Variants in STK3 observed in about 807,000 individuals in gnomAD.
STK3 encodes serine/threonine kinase 3.
In STK3, 41 loss-of-function variants were observed where a neutral mutation model predicts 58.0. That is an observed-to-expected ratio of 0.71 (90% CI 0.55 to 0.92). STK3 has a LOEUF of 0.92. STK3 is among the 40% of genes least tolerant of loss of function. STK3 has a pLI of 0.00. For synonymous variants in STK3, 170 were observed against 191.0 expected (o/e 0.89, Z 0.91); for missense variants, 479 against 602.7 (o/e 0.79, Z 2.15).
At chr8:98,783,896 C>A (rs985412366) in intron 1 of STK3, among the ~76,000 whole-genome samples, 7 of 152,172 alleles carry the variant, frequency 4.6e-5, no homozygotes, top group African/African-American at 1.7e-4. Flanking sequence ...CAGGAATCCA[C>A]TGGAATCGTG....
At chr8:98,917,883 G>A (rs1839402628) in intron 1 of STK3, among the ~76,000 whole-genome samples, 1 of 152,080 alleles carries the variant, frequency 6.6e-6, no homozygotes, top group Admixed American at 6.6e-5. Flanking sequence ...CCATCTCTGG[G>A]GAGTGTGGGA....
chr8:98,858,321 TATA>T (rs1836769758), intron 3 of STK3, among the ~76,000 whole-genome samples: 9 of 31,870 alleles, frequency 2.8e-4, no homozygotes, highest in Admixed American at 4.1e-4. Flanking sequence ...TATATATATA[TATA>T]GAGAGAGAGA....
At chr8:98,883,522 G>T, downstream of STK3, 1 of 583,978 alleles carries the variant, frequency 1.7e-6, no homozygotes, top group Non-Finnish European at 3.1e-6. Context: ...TTGTTTCCAA[G>T]TAACACATCA....
At chr8:98,384,369 T>C (rs929932485) in intron 1 of STK3, among the ~76,000 whole-genome samples, 9 of 152,242 alleles carry the variant, frequency 5.9e-5, no homozygotes, top group African/African-American at 2.2e-4. Flanking sequence ...GGAGTGTGCT[T>C]TCTTACTCCA....
intron 6 of STK3, among the ~76,000 whole-genome samples, chr8:98,604,114 G>A (rs1184256471): frequency 6.6e-6 from 1 of 152,010 alleles, no homozygotes; most frequent in Non-Finnish European, 1.5e-5. Flanking sequence ...AAAGGAAGAG[G>A]GCCATGAGCC....
downstream of STK3, among the ~76,000 whole-genome samples, chr8:98,366,465 C>T (rs1007360813): frequency 6.6e-6 from 1 of 152,186 alleles, no homozygotes; most frequent in Admixed American, 6.5e-5. Context: ...TATCTCCATA[C>T]CATAAAAACA....
chr8:98,618,406 G>A (rs1404234179), intron 6 of STK3, among the ~76,000 whole-genome samples: 1 of 152,138 alleles, frequency 6.6e-6, no homozygotes, highest in African/African-American at 2.4e-5. Flanking sequence ...ACTGGCACAA[G>A]ATAGGGATGC....
Position 98,386,512 on chromosome 8 carries a change from GA to G in STK3, n.56+1679del, listed in dbSNP as rs374142068. 2.0e-5 allele frequency among the ~76,000 whole-genome samples: 3 copies of G among 152,294 alleles called. No individual in the cohort carries two copies. The East Asian group carries it at 5.8e-4, about 29-fold the overall frequency. ...GTTTATAGGGAAGTATTTTACCTGA[GA>G]AAGGTGAGATTATTAGATTATATAT... On this transcript the variant is annotated intron_variant and non_coding_transcript_variant, in intron 1 of 2. Coordinates refer to the STK3 transcript ENST00000518704.
At chr8:98,867,462 T>C (rs557320577) in intron 3 of STK3, among the ~76,000 whole-genome samples, 1 of 152,234 alleles carries the variant, frequency 6.6e-6, no homozygotes, top group South Asian at 2.1e-4. Flanking sequence ...GGGATGTTTA[T>C]CTAACTTGTC....
Position 98,767,374 on chromosome 8 carries a change from A to G in STK3, c.108-3T>C. The G allele has an allele frequency of 1.3e-6, 2 of 1,586,552 alleles. No individual in the cohort carries two copies. The highest frequency in any genetic ancestry group is 1.7e-6 in the Non-Finnish European group (2 of 1,172,724). ...CTTTAAATACACTTCCATAAGACCT[A>G]AAAGAAACCAAGACATTATTTTTTT... is the stretch of plus-strand genomic sequence containing the variant. On this transcript the variant is annotated splice_polypyrimidine_tract_variant and splice_region_variant and intron_variant, in intron 2 of 10. Coordinates refer to ENST00000419617, the MANE Select transcript of STK3 (RefSeq NM_006281.4).
chr8:98,541,357 T>C (rs1190303970), intron 9 of STK3, among the ~76,000 whole-genome samples: 1 of 152,048 alleles, frequency 6.6e-6, no homozygotes, highest in Non-Finnish European at 1.5e-5. Context: ...TAAAAGTGTA[T>C]AGCCCCACCC....
At chr8:98,415,528 C>T (rs1818105003) in intron 3 of STK3, among the ~76,000 whole-genome samples, 1 of 152,224 alleles carries the variant, frequency 6.6e-6, no homozygotes, top group Non-Finnish European at 1.5e-5. Flanking sequence ...TCTATTCCCT[C>T]CTAAGAGTCT....
intron 2 of STK3, among the ~76,000 whole-genome samples, chr8:98,372,383 C>T (rs966101919): frequency 1.3e-5 from 2 of 152,176 alleles, no homozygotes; most frequent in African/African-American, 4.8e-5. Flanking sequence ...GCTGGGGAGG[C>T]CCGCAGACTC....
At chr8:98,365,256 G>A in the STK3 span, among the ~76,000 whole-genome samples, 70 of 152,222 alleles carry the variant, frequency 4.6e-4, no homozygotes, top group African/African-American at 1.4e-3. Flanking sequence ...TTAATATCAC[G>A]CTTACTACAA....
intron 4 of STK3, among the ~76,000 whole-genome samples, chr8:98,711,260 C>T (rs1235239840): frequency 2.6e-5 from 4 of 152,094 alleles, no homozygotes; most frequent in Non-Finnish European, 4.4e-5. Flanking sequence ...AGCTCCTCAC[C>T]AGCAATGGAA....
intron 10 of STK3, among the ~76,000 whole-genome samples, chr8:98,482,104 G>T (rs1481878062): frequency 6.6e-6 from 1 of 152,158 alleles, no homozygotes; most frequent in Non-Finnish European, 1.5e-5. Flanking sequence ...ACATCCTGAT[G>T]TCACTTCATT....
Position 98,528,692 on chromosome 8 carries a change from G to T in STK3, c.1142-1775C>A, listed in dbSNP as rs189215582. On this transcript the variant is annotated intron_variant, in intron 9 of 10. Coordinates refer to ENST00000419617, the MANE Select transcript of STK3 (RefSeq NM_006281.4). ...GTAGAGATGGGGTTTCTCCATGTTG[G>T]TCAGGCAGTAAGCTACTTTCTTAAG... Among the ~76,000 whole-genome samples the T allele has an allele frequency of 3.5e-4, 53 of 152,228 alleles. 1 individual carries two copies. The East Asian group carries it at 8.3e-3, about 24-fold the overall frequency.
At chr8:98,826,018 C>T (rs1835279105), upstream of STK3, among the ~76,000 whole-genome samples, 1 of 151,482 alleles carries the variant, frequency 6.6e-6, no homozygotes, top group Non-Finnish European at 1.5e-5. Flanking sequence ...GGACGAAGGC[C>T]TGGCTGGCCC....
intron 7 of STK3, among the ~76,000 whole-genome samples, chr8:98,585,605 T>G (rs1416027933): frequency 6.7e-6 from 1 of 149,768 alleles, no homozygotes; most frequent in Non-Finnish European, 1.5e-5. Flanking sequence ...ATATGAACTT[T>G]AAAGTAGTTT....
Sources: gnomAD v4.1 joint callset for allele counts (sites outside exome capture counted in the v4.1 genomes callset) on GRCh38, gnomAD v4.1.1 for gene constraint, MANE v1.5 for transcripts, NCBI Gene and HGNC (gene_info 2026-07-23, HGNC 2026-07-21) for gene names.